Variants in ATP6V1H observed in about 807,000 individuals in gnomAD.
The protein encoded by ATP6V1H is V-type proton ATPase subunit H.
In ATP6V1H, 39 loss-of-function variants were observed where a neutral mutation model predicts 71.7. The ratio of observed to expected loss-of-function variants is 0.54; its 90% confidence interval spans 0.42 to 0.71. The LOEUF is 0.71. Among genes scored for constraint, ATP6V1H ranks in the 30% least tolerant of loss-of-function variants. The pLI is 0.00. For synonymous variants in ATP6V1H, 192 were observed against 199.3 expected (o/e 0.96, Z 0.31); for missense variants, 509 against 594.9 (o/e 0.86, Z 1.50).
intron 12 of ATP6V1H, among the ~76,000 whole-genome samples, chr8:53,755,698 A>T (rs1585749923): frequency 2.3e-3 from 4 of 1,742 alleles, no homozygotes; most frequent in African/African-American, 4.9e-3. Flanking sequence ...ATATATATAT[A>T]TATATATATA....
At chr8:53,758,596 C>G (rs1563452670) in intron 11 of ATP6V1H, among the ~76,000 whole-genome samples, 1 of 152,224 alleles carries the variant, frequency 6.6e-6, no homozygotes, top group Non-Finnish European at 1.5e-5. Context: ...GTAACTGCTA[C>G]TAATTGGAGT....
At chr8:53,782,920 G>C (rs1809214877) in intron 9 of ATP6V1H, among the ~76,000 whole-genome samples, 1 of 152,120 alleles carries the variant, frequency 6.6e-6, no homozygotes, top group Non-Finnish European at 1.5e-5. Flanking sequence ...TAAGCTTTTT[G>C]ATGTGCTGCT....
At chr8:53,815,423 T>C (rs184524724) in intron 5 of ATP6V1H, among the ~76,000 whole-genome samples, 1 of 152,320 alleles carries the variant, frequency 6.6e-6, no homozygotes, top group East Asian at 1.9e-4. Flanking sequence ...CTCCAAATCA[T>C]TCAGCAATAA....
At chr8:53,755,916 C>T (rs1185633076) in intron 12 of ATP6V1H, among the ~76,000 whole-genome samples, 1 of 135,148 alleles carries the variant, frequency 7.4e-6, no homozygotes, top group East Asian at 2.1e-4. Context: ...CGCCACTACG[C>T]CCGGCTAATT....
intron 13 of ATP6V1H, among the ~76,000 whole-genome samples, chr8:53,733,749 G>A (rs1807106893): frequency 6.6e-6 from 1 of 152,176 alleles, no homozygotes; most frequent in African/African-American, 2.4e-5. Flanking sequence ...TCTGTACCAA[G>A]TCACAAAGGG....
At chr8:53,841,974 T>C (rs1158128100) in intron 1 of ATP6V1H, among the ~76,000 whole-genome samples, 1 of 152,196 alleles carries the variant, frequency 6.6e-6, no homozygotes, top group Non-Finnish European at 1.5e-5. Context: ...GCAGTAAGAT[T>C]TTTAAAGCAA....
At chr8:53,826,524 T>A (rs1213755080) in intron 4 of ATP6V1H, among the ~76,000 whole-genome samples, 1 of 152,138 alleles carries the variant, frequency 6.6e-6, no homozygotes, top group East Asian at 1.9e-4. Flanking sequence ...TTCTGGCATA[T>A]TCTGTTAAGT....
Position 53,839,027 on chromosome 8 carries a change from G to A in ATP6V1H, c.113+2551C>T, listed in dbSNP as rs531590301. ...GGTGAACATTTGCCCACAGGCCTACGGAGTGGAGGGGTTTTACAAAAGAAA... is the reference window on the plus strand; with the variant it reads ...GGTGAACATTTGCCCACAGGCCTACAGAGTGGAGGGGTTTTACAAAAGAAA... On this transcript the variant is annotated intron_variant, in intron 2 of 13. Coordinates refer to ENST00000359530, the MANE Select transcript of ATP6V1H (RefSeq NM_015941.4). Among the ~76,000 whole-genome samples, 6 of 152,284 alleles carry A rather than the reference G, an allele frequency of 3.9e-5. No homozygotes were observed. In the South Asian group the frequency reaches 8.3e-4, roughly 21 times the overall value.
chr8:53,756,472 A>T, intron 12 of ATP6V1H, 83 bp downstream of exon 12: 2 of 966,656 alleles, frequency 2.1e-6, no homozygotes, highest in Non-Finnish European at 3.1e-6. Flanking sequence ...TTGCTAACCT[A>T]CTCCATTTTA....
chr8:53,833,318 T>C (rs533647221), intron 2 of ATP6V1H: 31 of 477,100 alleles, frequency 6.5e-5, no homozygotes, highest in Admixed American at 2.2e-4. Context: ...AATAATCGCA[T>C]TGCCTCTAAG....
At position 53,820,238 on chromosome 8, in the gene ATP6V1H, G is replaced by A. The variant is rs141371780; in HGVS notation, c.307-2708C>T. Among the ~76,000 whole-genome samples the A allele has an allele frequency of 2.8e-4, 43 of 151,986 alleles. No individual in the cohort carries two copies. The East Asian group carries it at 7.7e-3, about 27-fold the overall frequency. On this transcript the variant is annotated intron_variant, in intron 4 of 13. Transcript: ENST00000359530. ...TGGTAGACCAGAGCACGAGCTACAG[G>A]GAGCAGGGAGCAGTCTTGGAAAGGC...
At chr8:53,738,694 T>C (rs532129654) in intron 13 of ATP6V1H, among the ~76,000 whole-genome samples, 1 of 152,216 alleles carries the variant, frequency 6.6e-6, no homozygotes, top group Non-Finnish European at 1.5e-5. Flanking sequence ...AATGCTTATT[T>C]TCCAACTCTT....
At chr8:53,753,297 G>A (rs1361045562) in intron 12 of ATP6V1H, among the ~76,000 whole-genome samples, 1 of 152,050 alleles carries the variant, frequency 6.6e-6, no homozygotes, top group Non-Finnish European at 1.5e-5. Flanking sequence ...CACAGTTTTG[G>A]GCCAAAAAAG....
At chr8:53,747,654 C>T (rs989291898) in intron 12 of ATP6V1H, among the ~76,000 whole-genome samples, 2 of 151,880 alleles carry the variant, frequency 1.3e-5, no homozygotes, top group African/African-American at 4.8e-5. Context: ...ATTCTCCTGC[C>T]CAAGCCTCCC....
At chr8:53,805,420 T>C (rs868421345) in intron 7 of ATP6V1H, among the ~76,000 whole-genome samples, 1 of 152,240 alleles carries the variant, frequency 6.6e-6, no homozygotes, top group African/African-American at 2.4e-5. Context: ...TCATGACTAT[T>C]AAACTTTTCT....
intron 4 of ATP6V1H, among the ~76,000 whole-genome samples, chr8:53,829,126 T>A (rs1428960184): frequency 6.6e-6 from 1 of 152,164 alleles, no homozygotes; most frequent in Non-Finnish European, 1.5e-5. Context: ...AGCCATATCA[T>A]CCATAAGTAC....
At chr8:53,790,112 C>G (rs1467904552) in intron 9 of ATP6V1H, among the ~76,000 whole-genome samples, 1 of 152,134 alleles carries the variant, frequency 6.6e-6, no homozygotes, top group Non-Finnish European at 1.5e-5. Context: ...AACAGGGACC[C>G]TCTCTCTCTA....
intron 5 of ATP6V1H, 84 bp from the exon 6 acceptor site, chr8:53,814,850 T>C: frequency 3.4e-6 from 3 of 895,264 alleles, no homozygotes; most frequent in Non-Finnish European, 5.2e-6. Flanking sequence ...TTTGTAACAA[T>C]TTTGCTACAC....
At chr8:53,772,913 A>AC (rs1239533512) in intron 9 of ATP6V1H, among the ~76,000 whole-genome samples, 6 of 151,548 alleles carry the variant, frequency 4.0e-5, no homozygotes, top group African/African-American at 1.5e-4. Flanking sequence ...CAAAAAAAAA[A>AC]AAAAAAAAAC....
Sources: gnomAD v4.1 joint callset for allele counts (sites outside exome capture counted in the v4.1 genomes callset) on GRCh38, gnomAD v4.1.1 for gene constraint, MANE v1.5 for transcripts, NCBI Gene and HGNC (gene_info 2026-07-23, HGNC 2026-07-21) for gene names.